The following DAB1 variants were observed in gnomAD, a reference collection of about 807,000 sequenced individuals.
DAB1 encodes the protein DAB adaptor protein 1.
In DAB1, 15 loss-of-function variants were observed where a neutral mutation model predicts 64.6. That is an observed-to-expected ratio of 0.23 (90% CI 0.16 to 0.36). The LOEUF (loss-of-function observed/expected upper bound fraction) is 0.36, where lower values mean the gene tolerates loss of function less well. DAB1 is among the 10% of genes least tolerant of loss of function. DAB1 has a pLI of 1.00. For missense variants in DAB1, 596 were observed against 706.7 expected, an observed-to-expected ratio of 0.84 and a Z score of 1.78; for synonymous variants, 235 against 251.9, an observed-to-expected ratio of 0.93 and a Z score of 0.64.
At chr1:57,898,584 A>T (rs1644425642) in intron 5 of DAB1, among the ~76,000 whole-genome samples, 1 of 152,184 alleles carries the variant, frequency 6.6e-6, no homozygotes, top group African/African-American at 2.4e-5. Context: ...TTAATTAAAA[A>T]AATATCAGGG....
chr1:58,290,567 T>A (rs1327797117), intron 4 of DAB1, among the ~76,000 whole-genome samples: 7 of 152,134 alleles, frequency 4.6e-5, no homozygotes, highest in African/African-American at 1.7e-4. Context: ...TAAAAAAAAA[T>A]TGGTATTTCT....
intron 4 of DAB1, among the ~76,000 whole-genome samples, chr1:57,108,886 T>A (rs1570707758): frequency 6.6e-6 from 1 of 152,120 alleles, no homozygotes; most frequent in South Asian, 2.1e-4. Context: ...GGCTGCCACA[T>A]CCCCACTCCT....
chr1:58,330,648 T>C (rs1662948925), intron 4 of DAB1, among the ~76,000 whole-genome samples: 1 of 152,182 alleles, frequency 6.6e-6, no homozygotes, highest in South Asian at 2.1e-4. Flanking sequence ...TCAGTGCTCA[T>C]TTGGCATCCC....
Position 57,757,220 on chromosome 1 carries a change from T to TTTTTTTTG in DAB1, n.552-107556_552-107555insCAAAAAAA, listed in dbSNP as rs200688727. On this transcript the variant is annotated intron_variant and non_coding_transcript_variant, in intron 6 of 20. Coordinates refer to the DAB1 transcript ENST00000485760. ...AGAATTTTTTTTTTTTTTTTTTTTT[T>TTTTTTTTG]AGCAGCAATGATGGAGGCTAACAGC... Among the ~76,000 whole-genome samples, 39 of 120,170 alleles carry TTTTTTTTG rather than the reference T, an allele frequency of 3.2e-4. 5 individuals carry two copies. Among genetic ancestry groups the TTTTTTTTG allele is most frequent in the South Asian group, 5.6e-4 (2 of 3,550 alleles). The allele number at this position is 120,170 out of a possible 152,430, so 78.8% of individuals were successfully genotyped here. A position where few individuals can be genotyped will look rare whatever the true frequency, so the allele number is the denominator to read the frequency against.
At chr1:57,390,278 T>C (rs1350677919) in intron 1 of DAB1, among the ~76,000 whole-genome samples, 1 of 152,218 alleles carries the variant, frequency 6.6e-6, no homozygotes, top group African/African-American at 2.4e-5. Context: ...TAATATTCAT[T>C]AGTTGTGTGG....
At chr1:57,779,565 G>C (rs1242034191) in intron 6 of DAB1, among the ~76,000 whole-genome samples, 1 of 152,170 alleles carries the variant, frequency 6.6e-6, no homozygotes, top group African/African-American at 2.4e-5. Flanking sequence ...TCCTAACAGT[G>C]CTATAATTTC....
intron 4 of DAB1, among the ~76,000 whole-genome samples, chr1:58,246,169 C>T (rs998874293): frequency 2.0e-5 from 3 of 152,094 alleles, no homozygotes; most frequent in Admixed American, 2.0e-4. Flanking sequence ...TAGAAGGTGT[C>T]AAAGATGTTA....
intron 3 of DAB1, among the ~76,000 whole-genome samples, chr1:58,355,706 G>A (rs1160244384): frequency 6.6e-6 from 1 of 152,126 alleles, no homozygotes; most frequent in Non-Finnish European, 1.5e-5. Context: ...GGATAGTGGG[G>A]TACAGGTAGA....
At chr1:57,086,379 A>G (rs372098840) in intron 4 of DAB1, among the ~76,000 whole-genome samples, 32 of 152,284 alleles carry the variant, frequency 2.1e-4, no homozygotes, top group East Asian at 1.9e-3. Flanking sequence ...ACAGATGGTT[A>G]CAAATAAACC....
chr1:57,201,433 T>G (rs967289471), intron 2 of DAB1, among the ~76,000 whole-genome samples: 2 of 152,040 alleles, frequency 1.3e-5, no homozygotes, highest in African/African-American at 4.8e-5. Context: ...GGGCACAGTT[T>G]CTTTATCCCT....
chr1:58,500,014 T>G (rs1645880382), intron 3 of DAB1, among the ~76,000 whole-genome samples: 1 of 152,156 alleles, frequency 6.6e-6, no homozygotes, highest in Non-Finnish European at 1.5e-5. Flanking sequence ...ACGACTGGAT[T>G]AAAAGCTTCC....
Position 57,262,693 on chromosome 1 carries a change from A to G in DAB1, c.67+28271T>C, listed in dbSNP as rs367557229. On this transcript the variant is annotated intron_variant, in intron 2 of 14. Coordinates refer to ENST00000371236, the MANE Select transcript of DAB1 (RefSeq NM_001365792.1). ...GATCACTGGTGTGATGCTTCCCTTTAAAAGGTATGGAACCCATAAAGTGAA... is the reference window on the plus strand; with the variant it reads ...GATCACTGGTGTGATGCTTCCCTTTGAAAGGTATGGAACCCATAAAGTGAA... Among the ~76,000 whole-genome samples the G allele has an allele frequency of 6.0e-4, 92 of 152,306 alleles. 1 individual carries two copies. The South Asian group carries it at 0.016, about 27-fold the overall frequency.
Position 57,789,667 on chromosome 1 carries a change from T to C in DAB1, n.551+94332A>G, listed in dbSNP as rs190742197. On this transcript the variant is annotated intron_variant and non_coding_transcript_variant, in intron 6 of 20. Transcript: ENST00000485760. ...ACCTAATTACCTCCTAAAGGCCCCA[T>C]CTCCAAATACCATCACAACTGGGGC... Among the ~76,000 whole-genome samples, 267 of 152,304 alleles carry C rather than the reference T, an allele frequency of 1.8e-3. 2 individuals carry two copies. The highest frequency in any genetic ancestry group is 3.0e-3 in the Non-Finnish European group (203 of 68,022).
rs557745874 is a variant in DAB1, at chr1:57,731,263, A to G, written n.552-81598T>C. Among the ~76,000 whole-genome samples, 14 of 152,350 alleles carry G rather than the reference A, an allele frequency of 9.2e-5. No individual in the cohort carries two copies. In the East Asian group the frequency reaches 2.5e-3, roughly 27 times the overall value. On this transcript the variant is annotated intron_variant and non_coding_transcript_variant, in intron 6 of 20. Coordinates refer to the DAB1 transcript ENST00000485760. Reference sequence around the variant, plus strand: ...GATTCCACTTACATGAGGAAGTAGAATATTAGTCAAACTCATAAAGACAGA... The same window carrying G: ...GATTCCACTTACATGAGGAAGTAGAGTATTAGTCAAACTCATAAAGACAGA...
At chr1:58,277,748 A>G (rs1661484184) in intron 4 of DAB1, among the ~76,000 whole-genome samples, 1 of 152,240 alleles carries the variant, frequency 6.6e-6, no homozygotes, top group Non-Finnish European at 1.5e-5. Flanking sequence ...CAGCCTCATC[A>G]GTGCTATGTG....
chr1:58,407,259 A>T (rs182884711), intron 3 of DAB1, among the ~76,000 whole-genome samples: 2 of 152,176 alleles, frequency 1.3e-5, no homozygotes, highest in Admixed American at 1.3e-4. Flanking sequence ...TAGTGCCCAG[A>T]CACCGTGGCA....
chr1:57,308,713 A>C (rs1456602467), intron 1 of DAB1, among the ~76,000 whole-genome samples: 1 of 152,192 alleles, frequency 6.6e-6, no homozygotes, highest in Non-Finnish European at 1.5e-5. Context: ...GTACTTTTCC[A>C]TCTGTGTATC....
At chr1:57,431,859 C>T (rs1393275724) in intron 7 of DAB1, among the ~76,000 whole-genome samples, 1 of 152,182 alleles carries the variant, frequency 6.6e-6, no homozygotes, top group Non-Finnish European at 1.5e-5. Flanking sequence ...CACAGTGGCT[C>T]ATGCCTATAA....
chr1:58,506,340 GGTTT>G (rs1645990380), intron 2 of DAB1: 2 of 568,800 alleles, frequency 3.5e-6, no homozygotes, highest in Admixed American at 5.9e-5. Flanking sequence ...ACAACGTGCA[GGTTT>G]GTTACATACG....
Sources: gnomAD v4.1 joint callset for allele counts (sites outside exome capture counted in the v4.1 genomes callset) on GRCh38, gnomAD v4.1.1 for gene constraint, MANE v1.5 for transcripts, NCBI Gene and HGNC (gene_info 2026-07-23, HGNC 2026-07-21) for gene names.